Variants in PRSS23 observed in about 807,000 individuals in gnomAD.
PRSS23 encodes the protein protease, serine 23.
In PRSS23, 25 loss-of-function variants were observed where a neutral mutation model predicts 34.7. The ratio of observed to expected loss-of-function variants is 0.72; its 90% CI spans 0.53 to 1.01. The LOEUF is 1.01. Ranked by LOEUF, PRSS23 falls within the 50% of genes least tolerant of loss-of-function variation. PRSS23 has a pLI of 0.00. For synonymous variants in PRSS23, 176 were observed against 186.6 expected (o/e 0.94, Z 0.46); for missense variants, 445 against 475.6 (o/e 0.94, Z 0.60).
At chr11:86,952,470 A>G in exon 3 of PRSS23, 1 of 1,612,696 alleles carries the variant, frequency 6.2e-7, no homozygotes, top group Non-Finnish European at 8.5e-7. Context: ...CAAAGGAAGA[A>G]CTGGAAAAGT....
At chr11:86,943,225 G>T (rs1949217629) in intron 2 of PRSS23, among the ~76,000 whole-genome samples, 1 of 152,232 alleles carries the variant, frequency 6.6e-6, no homozygotes, top group African/African-American at 2.4e-5. Flanking sequence ...GTACTATAGT[G>T]ATAATGCTAT....
chr11:86,833,473 G>GTATATA (rs140297591), intron 2 of PRSS23: 63 of 359,650 alleles, frequency 1.8e-4, no homozygotes, highest in African/African-American at 1.3e-3. Context: ...GTTCGGACAT[G>GTATATA]TATATATATA....
At chr11:86,908,690 T>C (rs551556080) in intron 2 of PRSS23, among the ~76,000 whole-genome samples, 1 of 152,290 alleles carries the variant, frequency 6.6e-6, no homozygotes, top group South Asian at 2.1e-4. Context: ...TATTAGGTAA[T>C]AATAAACATT....
intron 2 of PRSS23, among the ~76,000 whole-genome samples, chr11:86,917,969 A>G (rs757752912): frequency 6.6e-6 from 1 of 152,242 alleles, no homozygotes; most frequent in Non-Finnish European, 1.5e-5. Flanking sequence ...TTATTTCAAT[A>G]GAATTCAGTA....
At chr11:86,917,266 C>G (rs1949019460) in intron 2 of PRSS23, among the ~76,000 whole-genome samples, 1 of 152,226 alleles carries the variant, frequency 6.6e-6, no homozygotes, top group African/African-American at 2.4e-5. Flanking sequence ...GTGCAGTGAG[C>G]TGAGATTGTG....
intron 2 of PRSS23, among the ~76,000 whole-genome samples, chr11:86,850,784 C>T (rs1028505691): frequency 6.6e-6 from 1 of 152,178 alleles, no homozygotes; most frequent in Non-Finnish European, 1.5e-5. Context: ...CTTTGCCATG[C>T]TGCTACAAAG....
intron 2 of PRSS23, among the ~76,000 whole-genome samples, chr11:86,855,505 TG>T (rs1948563338): frequency 1.3e-5 from 2 of 151,940 alleles, no homozygotes; most frequent in Non-Finnish European, 2.9e-5. Context: ...TTTCTTTGCG[TG>T]TGTGTGTGTG....
exon 3 of PRSS23, chr11:86,951,377 G>C: frequency 1.2e-6 from 2 of 1,614,008 alleles, no homozygotes; most frequent in South Asian, 1.1e-5. Flanking sequence ...TGCCCAGTTG[G>C]AGATTTCATA....
At chr11:86,823,580 G>A in exon 2 of PRSS23, 1 of 702,606 alleles carries the variant, frequency 1.4e-6, no homozygotes, top group South Asian at 1.5e-5. Context: ...GGAGTTCACA[G>A]AAGAGTCGAG....
intron 2 of PRSS23, among the ~76,000 whole-genome samples, chr11:86,884,569 T>C (rs1377314686): frequency 1.3e-5 from 2 of 152,250 alleles, no homozygotes; most frequent in Non-Finnish European, 2.9e-5. Flanking sequence ...CCCAAAGTGC[T>C]GGGATTACAG....
upstream of PRSS23, among the ~76,000 whole-genome samples, chr11:86,797,825 A>G (rs1245419964): frequency 1.3e-5 from 2 of 152,234 alleles, no homozygotes; most frequent in African/African-American, 2.4e-5. Flanking sequence ...AATTCTTAAA[A>G]GAACTCTATG....
chr11:86,884,110 C>T (rs114710200), intron 2 of PRSS23, among the ~76,000 whole-genome samples: 2 of 152,224 alleles, frequency 1.3e-5, no homozygotes, highest in African/African-American at 4.8e-5. Flanking sequence ...CTTATTGCCT[C>T]TCCATCCCCT....
intron 2 of PRSS23, among the ~76,000 whole-genome samples, chr11:86,913,202 T>A (rs541019002): frequency 6.6e-6 from 1 of 151,870 alleles, no homozygotes; most frequent in Admixed American, 6.6e-5. Context: ...CTCTTATTCT[T>A]CTATTTGGTA....
chr11:86,907,023 A>T lies in PRSS23; in HGVS notation c.207-44193A>T, dbSNP rs73526163. Among the ~76,000 whole-genome samples the T allele has an allele frequency of 7.6e-3, 1,155 of 152,284 alleles. 15 individuals carry two copies. Among genetic ancestry groups the T allele is most frequent in the African/African-American group, 0.026 (1,096 of 41,548 alleles). On this transcript the variant is annotated intron_variant, in intron 2 of 2. Transcript: ENST00000533902. ...TTAACAAACTTTGGTATACTTTAAG[A>T]TGCTTAAAAGGAATGAGCTGCGTTG...
At chr11:86,908,643 T>C (rs944354443) in intron 2 of PRSS23, among the ~76,000 whole-genome samples, 12 of 152,182 alleles carry the variant, frequency 7.9e-5, no homozygotes, top group African/African-American at 2.4e-4. Context: ...ACAGAAACTT[T>C]GCGGTCCATA....
At chr11:86,853,161 T>A (rs1462050001) in intron 2 of PRSS23, among the ~76,000 whole-genome samples, 2 of 151,086 alleles carry the variant, frequency 1.3e-5, no homozygotes, top group Non-Finnish European at 2.9e-5. Context: ...GTCGTGTTTA[T>A]CCTTTTGGGA....
At chr11:86,812,082 A>T (rs1948182582), downstream of PRSS23, among the ~76,000 whole-genome samples, 1 of 152,180 alleles carries the variant, frequency 6.6e-6, no homozygotes, top group African/African-American at 2.4e-5. Context: ...TATCATTCAG[A>T]ATGGGATTCT....
At chr11:86,906,273 C>A (rs1239451259) in intron 2 of PRSS23, among the ~76,000 whole-genome samples, 1 of 152,254 alleles carries the variant, frequency 6.6e-6, no homozygotes, top group East Asian at 1.9e-4. Context: ...GCCCAGGAAA[C>A]CAAACCTCGC....
intron 2 of PRSS23, among the ~76,000 whole-genome samples, chr11:86,834,082 G>C (rs1345561746): frequency 6.6e-6 from 1 of 152,200 alleles, no homozygotes; most frequent in African/African-American, 2.4e-5. Context: ...AACTTAACAA[G>C]GAGGTTAGAG....
Sources: allele counts gnomAD v4.1 joint callset (sites outside exome capture counted in the v4.1 genomes callset), GRCh38; gene constraint gnomAD v4.1.1; transcripts MANE v1.5; gene names NCBI Gene and HGNC (gene_info 2026-07-23, HGNC 2026-07-21).